The following AR variants were observed in gnomAD, a reference collection of about 807,000 sequenced individuals.
AR encodes the protein dihydrotestosterone receptor.
AR carries 8 observed loss-of-function variants against 53.9 expected under a neutral mutation model. That is an observed-to-expected ratio of 0.15 (90% CI 0.09 to 0.27). The LOEUF is 0.27. AR is among the 10% of genes least tolerant of loss of function. AR has a pLI of 1.00. For synonymous variants in AR, 359 were observed against 316.4 expected (o/e 1.13, Z -1.43); for missense variants, 639 against 742.5 (o/e 0.86, Z 1.62).
Position 67,726,126 on chromosome X carries a change from G to A in AR, c.*2285G>A, listed in dbSNP as rs980957818. The A allele has an allele frequency of 8.0e-5, 14 of 173,991 alleles. No individual in the cohort carries two copies. The highest frequency in any genetic ancestry group is 6.6e-5 in the Non-Finnish European group (6 of 91,424). 14.3% of individuals were successfully genotyped at this position (173,991 alleles called of 1,213,427 possible). The stretch of plus-strand genomic sequence containing the variant: ...TCTGCATTGATATTAATAGCCAAAC[G>A]AACTTCAAAACAGCTTTAAATAACA... On this transcript the variant is annotated 3_prime_UTR_variant, in exon 8 of 8. Transcript: ENST00000374690.
chrX:67,686,044 T>C lies in AR; in HGVS notation c.1803T>C (p.Asp601=). 8.3e-7 allele frequency: 1 copy of C among 1,210,584 alleles called. No homozygotes were observed. Among genetic ancestry groups the C allele is most frequent in the Non-Finnish European group, 1.1e-6 (1 of 894,394 alleles). The change falls in exon 3 of 8, where the codon GAT becomes GAC. Residue 601 remains aspartate, a synonymous_variant. Coordinates refer to ENST00000374690, the MANE Select transcript of AR (RefSeq NM_000044.6). The stretch of plus-strand genomic sequence containing the variant: ...AGTACCTGTGCGCCAGCAGAAATGA[T>C]TGCACTATTGATAAATTCCGAAGGA... The part of the protein sequence containing the change: ...KQKYLCASRN[D]CTIDKFRRKN...
intron 1 of AR, among the ~76,000 whole-genome samples, chrX:67,629,070 T>A (rs1248055109): frequency 8.9e-6 from 1 of 111,854 alleles, no homozygotes; most frequent in Non-Finnish European, 1.9e-5. Context: ...TGCATCAATG[T>A]TCATCAAGCA....
chrX:67,661,104 A>T (rs2062597765), intron 2 of AR, among the ~76,000 whole-genome samples: 1 of 111,644 alleles, frequency 9.0e-6, no homozygotes, highest in Non-Finnish European at 1.9e-5. Context: ...CAGCTTAAGG[A>T]GATTTTGGGT....
At chrX:67,648,158 G>T (rs1926144146) in intron 2 of AR, among the ~76,000 whole-genome samples, 1 of 111,190 alleles carries the variant, frequency 9.0e-6, no homozygotes, top group Non-Finnish European at 1.9e-5. Flanking sequence ...TGGCCTAGTG[G>T]CTTCTTGGTC....
At position 67,626,641 on chromosome X, in the gene AR, A is replaced by G. The variant is rs748697062; in HGVS notation, c.1617-16615A>G. ...ATATATATATATATATATATTTATT[A>G]TTATTATACTTTAAGTTTTAGGGTA... On this transcript the variant is annotated intron_variant, in intron 1 of 7. Coordinates refer to ENST00000374690, the MANE Select transcript of AR (RefSeq NM_000044.6). 1.3e-4 allele frequency among the ~76,000 whole-genome samples: 13 copies of G among 96,798 alleles called. No individual in the cohort carries two copies. In the East Asian group the frequency reaches 3.7e-3, roughly 28 times the overall value. The allele number at this position is 96,798 out of a possible 115,157, so 84.1% of individuals were successfully genotyped here. A position where few individuals can be genotyped will look rare whatever the true frequency, so the allele number is the denominator to read the frequency against.
intron 1 of AR, among the ~76,000 whole-genome samples, chrX:67,637,183 T>C (rs1164173492): frequency 9.1e-6 from 1 of 110,241 alleles, no homozygotes. Context: ...TTTTTTATTT[T>C]ATTATTATTA....
At chrX:67,699,429 C>T (rs1437742967) in intron 3 of AR, among the ~76,000 whole-genome samples, 1 of 112,067 alleles carries the variant, frequency 8.9e-6, no homozygotes, top group Non-Finnish European at 1.9e-5. Flanking sequence ...ATCATGTGGA[C>T]CCCAACGCCT....
At chrX:67,684,049 AAAG>A (rs1179839847) in intron 2 of AR, among the ~76,000 whole-genome samples, 1 of 111,795 alleles carries the variant, frequency 8.9e-6, no homozygotes, top group African/African-American at 3.3e-5. Context: ...GAGATTTCTC[AAAG>A]AAGGCACGCA....
At chrX:67,602,296 A>G (rs1165563065) in intron 1 of AR, among the ~76,000 whole-genome samples, 1 of 111,916 alleles carries the variant, frequency 8.9e-6, no homozygotes, top group Non-Finnish European at 1.9e-5. Flanking sequence ...TTAAAATCCT[A>G]GCTGCACTAA....
rs758947453 is a variant in AR, at chrX:67,706,484, G to A, written c.1886-4918G>A. Among the ~76,000 whole-genome samples the A allele has an allele frequency of 1.0e-3, 116 of 111,296 alleles. 1 individual carries two copies. Among genetic ancestry groups the A allele is most frequent in the African/African-American group, 3.6e-3 (109 of 30,661 alleles). On this transcript the variant is annotated intron_variant, in intron 3 of 7. Coordinates refer to ENST00000374690, the MANE Select transcript of AR (RefSeq NM_000044.6). ...TGGTAGTTTGTATTTCTGTGGGATC[G>A]GTGGTGATCTCCCCTTTATCATTTT...
At chrX:67,630,817 T>C (rs1446332259) in intron 1 of AR, among the ~76,000 whole-genome samples, 2 of 110,827 alleles carry the variant, frequency 1.8e-5, no homozygotes, top group African/African-American at 3.3e-5. Flanking sequence ...CTTCAGGACC[T>C]CTTTTAGGGC....
chrX:67,567,682 T>C (rs975408862), intron 1 of AR, among the ~76,000 whole-genome samples: 1 of 111,990 alleles, frequency 8.9e-6, no homozygotes, highest in South Asian at 3.7e-4. Flanking sequence ...CCAGACTTTG[T>C]GGGTTACTAT....
intron 1 of AR, among the ~76,000 whole-genome samples, 196 bp downstream of exon 1, chrX:67,546,958 T>A (rs1429295151): frequency 9.1e-6 from 1 of 110,271 alleles, no homozygotes; most frequent in East Asian, 2.9e-4. Context: ...TTCTGCTGCG[T>A]GCCCTGGGTG....
chrX:67,696,726 C>A (rs1053281099), intron 3 of AR, among the ~76,000 whole-genome samples: 1 of 111,079 alleles, frequency 9.0e-6, no homozygotes, highest in Non-Finnish European at 1.9e-5. Context: ...CCTACTAATC[C>A]CTCACTCCAT....
intron 2 of AR, among the ~76,000 whole-genome samples, chrX:67,671,128 T>G (rs761723795): frequency 8.9e-6 from 1 of 112,194 alleles, no homozygotes; most frequent in South Asian, 3.8e-4. Context: ...AGTAATGGGA[T>G]TGCTGAGTCA....
intron 1 of AR, among the ~76,000 whole-genome samples, chrX:67,624,904 C>CAAAAAAAAAAAAAAAAAAA (rs140323582): frequency 5.5e-5 from 1 of 18,181 alleles, no homozygotes; most frequent in Non-Finnish European, 7.7e-5. Context: ...GGCAATTAGG[C>CAAAAAAAAAAAAAAAAAAA]AAAAAAAAAA....
At chrX:67,713,126 G>A (rs960973669) in intron 4 of AR, among the ~76,000 whole-genome samples, 2 of 111,806 alleles carry the variant, frequency 1.8e-5, no homozygotes, top group Non-Finnish European at 3.8e-5. Flanking sequence ...ACAGTGAGGG[G>A]CCAAGGCTTC....
At chrX:67,645,294 G>C (rs1453925903) in intron 2 of AR, among the ~76,000 whole-genome samples, 1 of 111,665 alleles carries the variant, frequency 9.0e-6, no homozygotes, top group Non-Finnish European at 1.9e-5. Flanking sequence ...ATTGTGAAAG[G>C]GAAGATTTTG....
intron 1 of AR, among the ~76,000 whole-genome samples, chrX:67,550,975 G>A (rs1929971472): frequency 9.5e-6 from 1 of 104,992 alleles, no homozygotes; most frequent in Admixed American, 1.0e-4. Flanking sequence ...TAGATGACAT[G>A]AGGGGATTGC....
Sources: allele counts gnomAD v4.1 joint callset (sites outside exome capture counted in the v4.1 genomes callset), GRCh38; gene constraint gnomAD v4.1.1; transcripts MANE v1.5; gene names NCBI Gene and HGNC (gene_info 2026-07-23, HGNC 2026-07-21).